The following FSD1 variants were observed in gnomAD, a reference collection of about 807,000 sequenced individuals.
The protein encoded by FSD1 is fibronectin type III and SPRY domain-containing protein 1.
In FSD1, 23 loss-of-function variants were observed where a neutral mutation model predicts 58.2. The ratio of observed to expected loss-of-function variants is 0.40; its 90% CI spans 0.28 to 0.56. The LOEUF (loss-of-function observed/expected upper bound fraction) is 0.56. FSD1 is among the 20% of genes least tolerant of loss of function. The pLI, the probability that FSD1 is intolerant of heterozygous loss-of-function variation, is 0.54. For synonymous variants in FSD1, 265 were observed against 263.4 expected, an observed-to-expected ratio of 1.01 and a Z score of -0.06; for missense variants, 563 against 670.8, an observed-to-expected ratio of 0.84 and a Z score of 1.78.
chr19:4,322,764 G>C (rs892996821), intron 10 of FSD1, among the ~76,000 whole-genome samples: 1 of 136,598 alleles, frequency 7.3e-6, no homozygotes, highest in Non-Finnish European at 1.6e-5. Flanking sequence ...CTAGGAACTT[G>C]AGGCGTATCT....
chr19:4,317,444 G>A (rs1311349742), intron 8 of FSD1, among the ~76,000 whole-genome samples, 164 bp downstream of exon 8: 1 of 152,080 alleles, frequency 6.6e-6, no homozygotes, highest in African/African-American at 2.4e-5. Flanking sequence ...CTATAACCCT[G>A]TTTTTGTCCT....
intron 2 of FSD1, 39 bp from the exon 3 acceptor site, chr19:4,306,157 CTG>C: frequency 6.2e-7 from 1 of 1,613,658 alleles, no homozygotes; most frequent in Non-Finnish European, 8.5e-7. Context: ...GGTTCCCTCT[CTG>C]AACACGGGCT....
At chr19:4,310,841 G>A (rs1488847819) in intron 6 of FSD1, 2 of 456,844 alleles carry the variant, frequency 4.4e-6, no homozygotes, top group African/African-American at 3.9e-5. Flanking sequence ...TCTGTACCCA[G>A]GGGTGGAACT....
rs766063741 is a variant in FSD1 at position 4,317,260 on chromosome 19, C to T, written c.779C>T (p.Pro260Leu). 4.4e-6 allele frequency: 7 copies of T among 1,609,168 alleles called. No individual in the cohort carries two copies. The highest frequency in any genetic ancestry group is 6.0e-6 in the Non-Finnish European group (7 of 1,175,766). ...GCAGTTGCAGGAGAGTTCTCTGAGC[C>T]GGTGACTCTGGAGACACCAGGTGAC... ...NKAVAGEFSEPVTLETPAFMF... is the reference protein window; with the variant it reads ...NKAVAGEFSELVTLETPAFMF... Residue 260 changes from proline (P) to leucine (L), a missense_variant, in exon 8 of 13, where the codon CCG (proline) becomes CTG (leucine). Transcript: ENST00000221856.
intron 4 of FSD1, among the ~76,000 whole-genome samples, chr19:4,308,420 A>G (rs1226282655): frequency 2.6e-5 from 4 of 151,930 alleles, no homozygotes; most frequent in Non-Finnish European, 5.9e-5. Flanking sequence ...AAACAAAGAA[A>G]AAAAGAAAAG....
intron 4 of FSD1, among the ~76,000 whole-genome samples, chr19:4,308,434 G>C (rs1340350793): frequency 6.6e-6 from 1 of 151,880 alleles, no homozygotes; most frequent in African/African-American, 2.4e-5. Context: ...AGAAAAGAAA[G>C]CATTCAGGCT....
chr19:4,306,059 G>T lies in FSD1; in HGVS notation c.111+18G>T. The stretch of plus-strand genomic sequence containing the variant: ...ACGTGGAGGTGAAGGCGGTGGGGCA[G>T]TCCTGGGGAGGTAAGGGGAGGGGAG... On this transcript the variant is annotated intron_variant, in intron 2 of 12. Coordinates refer to ENST00000221856, the MANE Select transcript of FSD1 (RefSeq NM_024333.3). 1.2e-6 allele frequency: 2 copies of T among 1,610,500 alleles called. No individual in the cohort carries two copies. Among genetic ancestry groups the T allele is most frequent in the Non-Finnish European group, 1.7e-6 (2 of 1,176,716 alleles).
In FSD1 at chr19:4,323,443, T is replaced by A; in HGVS notation, c.1380+7T>A. 6.2e-7 allele frequency: 1 copy of A among 1,612,276 alleles called. No individual in the cohort carries two copies. Among genetic ancestry groups the A allele is most frequent in the East Asian group, 2.2e-5 (1 of 44,846 alleles). On this transcript the variant is annotated splice_region_variant and intron_variant, in intron 12 of 12. Coordinates refer to ENST00000221856, the MANE Select transcript of FSD1 (RefSeq NM_024333.3). This position sits in a 1 kb window ranked among gnomAD's most constrained non-coding sequence, Gnocchi z 7.7. ...GCTGCTGCCTGCTTTCACGGTGAGC[T>A]GCCCTCCGCGGCCCAGGGGGAGGAG...
At chr19:4,307,735 G>C in intron 3 of FSD1, 147 bp from the exon 4 acceptor site, 1 of 587,026 alleles carries the variant, frequency 1.7e-6, no homozygotes, top group Non-Finnish European at 3.0e-6. Flanking sequence ...GCCCCATTTG[G>C]TGGGGCGCTC....
intron 6 of FSD1, 176 bp downstream of exon 6, chr19:4,310,772 G>GC: frequency 1.5e-6 from 1 of 649,844 alleles, no homozygotes; most frequent in Non-Finnish European, 2.6e-6. Context: ...ATGGAGCCCC[G>GC]CCCCTGGGTG....
chr19:4,323,548 T>C lies in FSD1; in HGVS notation c.1396T>C (p.Phe466Leu), dbSNP rs972502868. 1.3e-6 allele frequency: 2 copies of C among 1,588,636 alleles called. No individual in the cohort carries two copies. The highest frequency in any genetic ancestry group is 3.4e-5 in the Admixed American group (2 of 59,558). ...LPAFTVWCGSFQVTTGLQVPS... is the reference protein window; with the variant it reads ...LPAFTVWCGSLQVTTGLQVPS... ...TGTCCCTCAGGTATGGTGTGGCAGC[T>C]TCCAGGTGACGACAGGCCTGCAGGT... is the stretch of plus-strand genomic sequence containing the variant. The change falls in exon 13 of 13, where the codon TTC becomes CTC. Residue 466 changes from phenylalanine (F) to leucine (L), a missense_variant. Transcript: ENST00000221856. This position sits in a 1 kb window ranked among gnomAD's most constrained non-coding sequence, Gnocchi z 7.7.
intron 7 of FSD1, among the ~76,000 whole-genome samples, chr19:4,315,480 T>G (rs1971744544): frequency 6.6e-6 from 1 of 151,506 alleles, no homozygotes; most frequent in African/African-American, 2.4e-5. Flanking sequence ...GGCTAATTTT[T>G]TGTATTTTTA....
At chr19:4,316,123 C>T (rs1244403391) in intron 7 of FSD1, among the ~76,000 whole-genome samples, 3 of 151,688 alleles carry the variant, frequency 2.0e-5, no homozygotes, top group African/African-American at 4.8e-5. Context: ...TGCAGTGATG[C>T]AATCATAGCT....
chr19:4,304,700 C>A lies in FSD1; in HGVS notation c.-47C>A, dbSNP rs1327964650. The A allele has an allele frequency of 2.0e-6, 2 of 1,004,560 alleles. No individual in the cohort carries two copies. Among genetic ancestry groups the A allele is most frequent in the African/African-American group, 3.5e-5 (2 of 56,640 alleles). 62.2% of individuals were successfully genotyped at this position (1,004,560 alleles called of 1,614,324 possible). Reference sequence around the variant, plus strand: ...CGGCAAAGGCAGCTTGGGGACCCAGCGTGCGCGGGGCCCGCGGGCCGGGCC... The same window carrying A: ...CGGCAAAGGCAGCTTGGGGACCCAGAGTGCGCGGGGCCCGCGGGCCGGGCC... On this transcript the variant is annotated 5_prime_UTR_variant, in exon 1 of 13. Coordinates refer to ENST00000221856, the MANE Select transcript of FSD1 (RefSeq NM_024333.3).
intron 10 of FSD1, among the ~76,000 whole-genome samples, chr19:4,321,096 C>T (rs555839054): frequency 1.9e-3 from 239 of 129,104 alleles, no homozygotes; most frequent in African/African-American, 6.9e-3. Flanking sequence ...TGAGGAGTAT[C>T]TGGGGAAATA....
At chr19:4,312,442 G>T (rs933434047) in intron 7 of FSD1, among the ~76,000 whole-genome samples, 1 of 151,852 alleles carries the variant, frequency 6.6e-6, no homozygotes, top group Non-Finnish European at 1.5e-5. Flanking sequence ...ACTGAGCCGA[G>T]ATCGCGCTAT....
Position 4,323,631 on chromosome 19 carries a change from C to A in FSD1, c.1479C>A (p.Thr493=), listed in dbSNP as rs1971732732. The change falls in exon 13 of 13, where the codon ACC becomes ACA. Residue 493 remains threonine, a synonymous_variant. Coordinates refer to ENST00000221856, the MANE Select transcript of FSD1 (RefSeq NM_024333.3). This position sits in a 1 kb window ranked among gnomAD's most constrained non-coding sequence, Gnocchi z 7.7. ...KRGSATSSSN[T]SLT is the part of the protein sequence containing the mutation. The stretch of plus-strand genomic sequence containing the variant: ...GCAGTGCTACCAGCAGCTCCAACAC[C>A]AGCCTCACCTAGGCCCCCAGGCACC... 1 of 1,611,616 alleles carries A rather than the reference C, an allele frequency of 6.2e-7. No homozygotes were observed. The highest frequency in any genetic ancestry group is 1.7e-5 in the Admixed American group (1 of 59,854).
In FSD1 at chr19:4,307,991, C is replaced by A; in HGVS notation, c.345+8C>A. The A allele has an allele frequency of 3.1e-6, 5 of 1,602,956 alleles. No individual in the cohort carries two copies. The highest frequency in any genetic ancestry group is 4.3e-6 in the Non-Finnish European group (5 of 1,171,152). On this transcript the variant is annotated splice_region_variant and intron_variant, in intron 4 of 12. Transcript: ENST00000221856. ...AGCGAGGACTTTCCTCAGGTGGGTGCCTCTGATGCTGCCAGGTAAAGAACA... is the reference window on the plus strand; with the variant it reads ...AGCGAGGACTTTCCTCAGGTGGGTGACTCTGATGCTGCCAGGTAAAGAACA...
intron 4 of FSD1, 41 bp from the exon 5 acceptor site, chr19:4,310,230 CAA>C (rs769435443): frequency 6.2e-7 from 1 of 1,612,800 alleles, no homozygotes; most frequent in East Asian, 2.2e-5. Context: ...GTCTCAAAAA[CAA>C]AAAAAGAAAT....
Sources: gnomAD v4.1 joint callset for allele counts (sites outside exome capture counted in the v4.1 genomes callset) on GRCh38, gnomAD v4.1.1 for gene constraint, Gnocchi (gnomAD v3.1) non-coding constraint, MANE v1.5 for transcripts, NCBI Gene and HGNC (gene_info 2026-07-23, HGNC 2026-07-21) for gene names.